Variants in CUL5 observed in about 807,000 individuals in gnomAD.
CUL5 encodes the protein cullin 5, also known as cullin-5.
In CUL5, 26 loss-of-function variants were observed where a neutral mutation model predicts 108.8. The observed-to-expected ratio is 0.24, with a 90% CI of 0.18 to 0.33. CUL5 has a LOEUF of 0.33. CUL5 is among the 10% of genes least tolerant of loss of function. The pLI, the probability that CUL5 is intolerant of heterozygous loss-of-function variation, is 1.00. For synonymous variants in CUL5, 334 were observed against 298.0 expected (o/e 1.12, Z -1.25); for missense variants, 524 against 909.2 (o/e 0.58, Z 5.45).
At chr11:108,092,200 G>A (rs2135232453) in intron 13 of CUL5, among the ~76,000 whole-genome samples, 1 of 152,324 alleles carries the variant, frequency 6.6e-6, no homozygotes, top group South Asian at 2.1e-4. Flanking sequence ...AATAAAGACA[G>A]ATGATAACAA....
At chr11:108,086,312 A>G (rs560735324) in intron 11 of CUL5, among the ~76,000 whole-genome samples, 25 of 152,348 alleles carry the variant, frequency 1.6e-4, no homozygotes, top group African/African-American at 5.8e-4. Flanking sequence ...AAGTAACAAT[A>G]TAAGACTAAT....
rs941265582 is a variant in CUL5 at position 108,060,495 on chromosome 11, C to T, written c.780+5540C>T. Among the ~76,000 whole-genome samples the T allele has an allele frequency of 4.0e-5, 6 of 151,062 alleles. No homozygotes were observed. The East Asian group carries it at 7.7e-4, about 19-fold the overall frequency. On this transcript the variant is annotated intron_variant, in intron 7 of 18. Transcript: ENST00000393094. ...AATCAGAAATGCTTTTTTTTTTAAA[C>T]GAAATTTGAGCGAGGTAGAAATAAT...
intron 11 of CUL5, among the ~76,000 whole-genome samples, chr11:108,078,493 A>G (rs1400954927): frequency 6.6e-6 from 1 of 152,074 alleles, no homozygotes; most frequent in Non-Finnish European, 1.5e-5. Context: ...TTTTTCCCTC[A>G]TTAGTCACTA....
At chr11:108,058,441 G>C (rs1863453004) in intron 7 of CUL5, among the ~76,000 whole-genome samples, 1 of 151,258 alleles carries the variant, frequency 6.6e-6, no homozygotes, top group African/African-American at 2.4e-5. Flanking sequence ...GTAGAGACAG[G>C]GTTTCACCGT....
chr11:108,101,068 G>A (rs376250841), intron 18 of CUL5, among the ~76,000 whole-genome samples: 17 of 152,312 alleles, frequency 1.1e-4, no homozygotes, highest in African/African-American at 3.1e-4. Flanking sequence ...GTAGTCGTAC[G>A]ATAAGATGTG....
chr11:108,040,251 T>C lies in CUL5; in HGVS notation c.135-6019T>C, dbSNP rs147588589. Among the ~76,000 whole-genome samples the C allele has an allele frequency of 3.9e-5, 6 of 152,156 alleles. No individual in the cohort carries two copies. The East Asian group carries it at 1.2e-3, about 29-fold the overall frequency. ...TCCCAACACTTTGGGAGGCCGAGGC[T>C]GGAGGATTGCTTGAGGCCAGAGTTC... On this transcript the variant is annotated intron_variant, in intron 2 of 18. Coordinates refer to ENST00000393094, the MANE Select transcript of CUL5 (RefSeq NM_003478.6).
At chr11:108,026,752 A>C (rs1862460789) in intron 1 of CUL5, among the ~76,000 whole-genome samples, 1 of 152,108 alleles carries the variant, frequency 6.6e-6, no homozygotes, top group Admixed American at 6.5e-5. Flanking sequence ...GCACTTTGGG[A>C]GGCTGAGGTG....
At chr11:108,085,196 A>G (rs185348656) in intron 11 of CUL5, among the ~76,000 whole-genome samples, 3 of 152,364 alleles carry the variant, frequency 2.0e-5, no homozygotes, top group Admixed American at 1.3e-4. Context: ...CATTAGTTGC[A>G]TAGATAAGCA....
At chr11:108,041,764 G>A (rs56214765) in intron 2 of CUL5, among the ~76,000 whole-genome samples, 28,545 of 151,692 alleles carry the variant, frequency 0.19, 2,894 homozygotes, top group Non-Finnish European at 0.22. Flanking sequence ...CTAATTTTTC[G>A]TATTTTTAGT....
chr11:108,071,565 T>C lies in CUL5; in HGVS notation c.875-767T>C, dbSNP rs562703408. Reference sequence around the variant, plus strand: ...TTGATCACTTTTTTTATTTTTATTTTTTGAGACCGTCTTGCCCTGTCACCC... The same window carrying C: ...TTGATCACTTTTTTTATTTTTATTTCTTGAGACCGTCTTGCCCTGTCACCC... On this transcript the variant is annotated intron_variant, in intron 8 of 18. Transcript: ENST00000393094. Among the ~76,000 whole-genome samples, 4 of 152,280 alleles carry C rather than the reference T, an allele frequency of 2.6e-5. No individual in the cohort carries two copies. In the South Asian group the frequency reaches 8.3e-4, roughly 32 times the overall value.
In CUL5 at chr11:108,009,227, A is replaced by G; in HGVS notation, c.-122A>G. The G allele has an allele frequency of 9.5e-7, 1 of 1,047,534 alleles. No homozygotes were observed. The highest frequency in any genetic ancestry group is 2.5e-5 in the East Asian group (1 of 40,614). 64.9% of individuals were successfully genotyped at this position (1,047,534 alleles called of 1,614,324 possible). On this transcript the variant is annotated 5_prime_UTR_variant, in exon 1 of 19. Coordinates refer to ENST00000393094, the MANE Select transcript of CUL5 (RefSeq NM_003478.6). The stretch of plus-strand genomic sequence containing the variant: ...CTGTCGGCGCGCTGCTCCAGCGCCC[A>G]CCACACCCTGGTGCGGGCCGACGGG...
chr11:108,014,609 T>A (rs1207169528), intron 1 of CUL5, among the ~76,000 whole-genome samples: 1 of 152,236 alleles, frequency 6.6e-6, no homozygotes, highest in Non-Finnish European at 1.5e-5. Flanking sequence ...TGAGGGGCAT[T>A]TGTGCCAGTG....
At chr11:108,071,757 G>T (rs1045991565) in intron 8 of CUL5, among the ~76,000 whole-genome samples, 11 of 151,680 alleles carry the variant, frequency 7.3e-5, no homozygotes, top group African/African-American at 2.4e-4. Context: ...TTGCCATGTT[G>T]CCCTGACTGG....
At chr11:108,048,955 G>A (rs919382550) in intron 3 of CUL5, among the ~76,000 whole-genome samples, 4 of 151,702 alleles carry the variant, frequency 2.6e-5, no homozygotes, top group South Asian at 2.1e-4. Context: ...ATGAGCCACC[G>A]CACCTGCCGT....
chr11:108,029,472 A>G (rs771742183), intron 1 of CUL5, among the ~76,000 whole-genome samples: 1 of 152,248 alleles, frequency 6.6e-6, no homozygotes, highest in Non-Finnish European at 1.5e-5. Flanking sequence ...AAGTTAATAG[A>G]GATGAGGCAG....
intron 7 of CUL5, among the ~76,000 whole-genome samples, chr11:108,061,060 A>G (rs1863521365): frequency 6.6e-6 from 1 of 152,168 alleles, no homozygotes; most frequent in East Asian, 1.9e-4. Flanking sequence ...AGAGATTGCT[A>G]TGGATTTAGA....
At chr11:108,018,824 A>G (rs543062303) in intron 1 of CUL5, among the ~76,000 whole-genome samples, 1 of 152,280 alleles carries the variant, frequency 6.6e-6, no homozygotes, top group South Asian at 2.1e-4. Flanking sequence ...GCAATGTAAC[A>G]ATGGTTATGA....
chr11:108,073,055 A>G (rs1313401165), intron 9 of CUL5, among the ~76,000 whole-genome samples: 7 of 151,966 alleles, frequency 4.6e-5, no homozygotes, highest in Admixed American at 4.6e-4. Context: ...CAAAAAAAAT[A>G]GCCAGGCGGG....
chr11:108,094,219 G>T (rs561001339), intron 13 of CUL5, among the ~76,000 whole-genome samples, 172 bp from the exon 14 acceptor site: 1 of 152,048 alleles, frequency 6.6e-6, no homozygotes, highest in Non-Finnish European at 1.5e-5. Flanking sequence ...TTGTAATACC[G>T]TATTTTGTTT....
Sources: allele counts gnomAD v4.1 joint callset (sites outside exome capture counted in the v4.1 genomes callset), GRCh38; gene constraint gnomAD v4.1.1; transcripts MANE v1.5; gene names NCBI Gene and HGNC (gene_info 2026-07-23, HGNC 2026-07-21).